The following SLC44A5 variants were observed in gnomAD, a reference collection of about 807,000 sequenced individuals.
SLC44A5 encodes the protein choline transporter-like protein 5.
SLC44A5 carries 57 observed loss-of-function variants against 101.8 expected under a neutral mutation model. The ratio of observed to expected loss-of-function variants is 0.56; its 90% CI spans 0.45 to 0.70. The LOEUF is 0.70. Among genes scored for constraint, SLC44A5 ranks in the 30% least tolerant of loss-of-function variants. The pLI, the probability that SLC44A5 is intolerant of heterozygous loss-of-function variation, is 0.00. For synonymous variants in SLC44A5, 281 were observed against 290.9 expected (o/e 0.97, Z 0.35); for missense variants, 737 against 853.1 (o/e 0.86, Z 1.70).
upstream of SLC44A5, among the ~76,000 whole-genome samples, chr1:75,614,381 A>T (rs1425219805): frequency 6.6e-6 from 1 of 152,236 alleles, no homozygotes; most frequent in Non-Finnish European, 1.5e-5. Flanking sequence ...TAAAATTGTC[A>T]TACATAGGTT....
intron 1 of SLC44A5, among the ~76,000 whole-genome samples, chr1:75,544,212 A>G (rs757484752): frequency 6.6e-6 from 1 of 152,088 alleles, no homozygotes; most frequent in Non-Finnish European, 1.5e-5. Context: ...TTTGTTGCTT[A>G]CTTTCTCCCC....
At chr1:75,429,851 CCACTAA>C (rs2101591338) in intron 2 of SLC44A5, among the ~76,000 whole-genome samples, 1 of 152,282 alleles carries the variant, frequency 6.6e-6, no homozygotes, top group African/African-American at 2.4e-5. Context: ...TCAGGCCCCA[CCACTAA>C]CACTGGGGAT....
chr1:75,661,914 T>G, the SLC44A5 span, among the ~76,000 whole-genome samples: 2 of 151,952 alleles, frequency 1.3e-5, no homozygotes, highest in African/African-American at 2.4e-5. Flanking sequence ...TAAATTAGTA[T>G]AGCCACTATG....
At chr1:75,471,512 G>C (rs1557819757) in intron 2 of SLC44A5, among the ~76,000 whole-genome samples, 1 of 152,042 alleles carries the variant, frequency 6.6e-6, no homozygotes, top group Non-Finnish European at 1.5e-5. Flanking sequence ...CCTGATCATA[G>C]CCTTTTATCT....
intron 1 of SLC44A5, among the ~76,000 whole-genome samples, chr1:75,583,390 T>C (rs1305391710): frequency 6.6e-6 from 1 of 152,134 alleles, no homozygotes; most frequent in Non-Finnish European, 1.5e-5. Context: ...CCCTACATGT[T>C]TCCTACAATA....
the SLC44A5 span, among the ~76,000 whole-genome samples, chr1:75,681,020 G>A: frequency 6.7e-6 from 1 of 150,218 alleles, no homozygotes; most frequent in African/African-American, 2.4e-5. Flanking sequence ...AGAAGAAATG[G>A]ATAAATTCCT....
At chr1:75,483,790 G>T (rs1194601629) in intron 2 of SLC44A5, among the ~76,000 whole-genome samples, 2 of 152,150 alleles carry the variant, frequency 1.3e-5, no homozygotes, top group Non-Finnish European at 2.9e-5. Context: ...AGGAAAAGAG[G>T]TTTAATTGAA....
At chr1:75,459,064 A>G (rs545140457) in intron 2 of SLC44A5, among the ~76,000 whole-genome samples, 1 of 152,188 alleles carries the variant, frequency 6.6e-6, no homozygotes. Flanking sequence ...GATATTGGTG[A>G]GGGATAGTGC....
intron 2 of SLC44A5, among the ~76,000 whole-genome samples, chr1:75,491,891 G>A (rs1668444976): frequency 6.6e-6 from 1 of 152,104 alleles, no homozygotes; most frequent in South Asian, 2.1e-4. Context: ...TTTTATGATT[G>A]CAACAAGTGG....
At chr1:75,480,179 A>G (rs1667745523) in intron 2 of SLC44A5, among the ~76,000 whole-genome samples, 1 of 152,246 alleles carries the variant, frequency 6.6e-6, no homozygotes, top group Non-Finnish European at 1.5e-5. Flanking sequence ...AGATGCAGAA[A>G]AGGCCTTTGA....
the SLC44A5 span, among the ~76,000 whole-genome samples, chr1:75,668,927 G>A: frequency 6.6e-6 from 1 of 151,390 alleles, no homozygotes; most frequent in Non-Finnish European, 1.5e-5. Context: ...TCCAGGAGGT[G>A]GAGGTTGCAG....
At chr1:75,709,037 C>T in the SLC44A5 span, among the ~76,000 whole-genome samples, 1 of 152,112 alleles carries the variant, frequency 6.6e-6, no homozygotes. Context: ...TTGTTAATCC[C>T]GGATACTGAT....
the SLC44A5 span, among the ~76,000 whole-genome samples, chr1:75,621,011 T>A: frequency 6.6e-6 from 1 of 152,182 alleles, no homozygotes; most frequent in Admixed American, 6.5e-5. Context: ...AATTTTTGTA[T>A]AAGGTAGAAG....
rs1004896578 is a variant in SLC44A5 at position 75,300,504 on chromosome 1, A to T, written c.175+108T>A. 3.4e-5 allele frequency: 21 copies of T among 621,460 alleles called. No homozygotes were observed. The African/African-American group carries it at 4.0e-4, about 12-fold the overall frequency. The allele number at this position is 621,460 out of a possible 1,614,324, so 38.5% of individuals were successfully genotyped here. ...ATTTCCTCCAGGAAAGACAACAGTCAATAATAGGAAGGCTTTTGGAAGACA... is the reference window on the plus strand; with the variant it reads ...ATTTCCTCCAGGAAAGACAACAGTCTATAATAGGAAGGCTTTTGGAAGACA... On this transcript the variant is annotated intron_variant, in intron 5 of 23. Coordinates refer to ENST00000370859, the MANE Select transcript of SLC44A5 (RefSeq NM_001130058.2).
chr1:75,350,102 A>G (rs1319079997), intron 3 of SLC44A5, among the ~76,000 whole-genome samples: 3 of 152,060 alleles, frequency 2.0e-5, no homozygotes, highest in Admixed American at 6.6e-5. Context: ...ACTCCAGCCC[A>G]ACTATGATGT....
intron 1 of SLC44A5, among the ~76,000 whole-genome samples, chr1:75,571,911 A>G (rs886210661): frequency 6.6e-6 from 1 of 152,232 alleles, no homozygotes; most frequent in African/African-American, 2.4e-5. Flanking sequence ...CAAAGTAATC[A>G]ACAAATGAAT....
In SLC44A5 at chr1:75,233,998, T is replaced by C; in HGVS notation, c.841A>G (p.Ile281Val). ...GAGTGATACCTACCATAACCTATAA[T>C]TCCAATCACACCAATCATGAAGACC... ...FWVFMIGVIGIIGYGIWHCYQ... is the reference protein window; with the variant it reads ...FWVFMIGVIGVIGYGIWHCYQ... The change falls in exon 12 of 24, where the codon ATT (isoleucine) becomes GTT (valine). Residue 281 changes from isoleucine to valine, a missense_variant. By Grantham distance (29) the Ile-to-Val change is conservative. Transcript: ENST00000370859. 9 of 1,610,786 alleles carry C rather than the reference T, an allele frequency of 5.6e-6. No individual in the cohort carries two copies. The highest frequency in any genetic ancestry group is 7.6e-6 in the Non-Finnish European group (9 of 1,177,288).
In SLC44A5 at chr1:75,457,998, C is replaced by T. The variant is rs186922766; in HGVS notation, c.14-61377G>A. Among the ~76,000 whole-genome samples, 17 of 152,254 alleles carry T rather than the reference C, an allele frequency of 1.1e-4. No homozygotes were observed. In the East Asian group the frequency reaches 3.1e-3, roughly 28 times the overall value. On this transcript the variant is annotated intron_variant, in intron 2 of 23. Coordinates refer to ENST00000370859, the MANE Select transcript of SLC44A5 (RefSeq NM_001130058.2). ...TACAAAGACTAAGACACAGTCCTTACCCTCAATAAGTTTACAATCTTGTAA... is the reference window on the plus strand; with the variant it reads ...TACAAAGACTAAGACACAGTCCTTATCCTCAATAAGTTTACAATCTTGTAA...
the SLC44A5 span, among the ~76,000 whole-genome samples, chr1:75,669,607 A>G: frequency 6.6e-6 from 1 of 152,184 alleles, no homozygotes; most frequent in Non-Finnish European, 1.5e-5. Context: ...TACTTTTAAT[A>G]ACGAACATTC....
Sources: gnomAD v4.1 joint callset for allele counts (sites outside exome capture counted in the v4.1 genomes callset) on GRCh38, gnomAD v4.1.1 for gene constraint, MANE v1.5 for transcripts, NCBI Gene and HGNC (gene_info 2026-07-23, HGNC 2026-07-21) for gene names.